Variants in ELN observed in about 807,000 individuals in gnomAD.
The protein encoded by ELN is tropoelastin.
ELN carries 65 observed loss-of-function variants against 105.8 expected under a neutral mutation model. The ratio of observed to expected loss-of-function variants is 0.61; its 90% CI spans 0.50 to 0.75. The LOEUF (loss-of-function observed/expected upper bound fraction) is 0.75, where lower values mean the gene tolerates loss of function less well. Ranked by LOEUF, ELN falls within the 30% of genes least tolerant of loss-of-function variation. The probability of loss-of-function intolerance (pLI) is 0.00; values close to 1 mark genes in which losing one functional copy is unlikely to be tolerated. For missense variants in ELN, 882 were observed against 969.4 expected (o/e 0.91, Z 1.20); for synonymous variants, 368 against 389.2 (o/e 0.95, Z 0.64).
intron 29 of ELN, among the ~76,000 whole-genome samples, chr7:74,064,904 T>C (rs908900006): frequency 8.5e-5 from 13 of 152,276 alleles, no homozygotes; most frequent in African/African-American, 2.9e-4. Context: ...CAGCTCTTCC[T>C]GTGAGTGCCA....
At chr7:74,037,071 T>C (rs1790132282) in intron 3 of ELN, among the ~76,000 whole-genome samples, 1 of 151,980 alleles carries the variant, frequency 6.6e-6, no homozygotes, top group African/African-American at 2.4e-5. Flanking sequence ...TCTGCCTGAC[T>C]CGGCCTCTCA....
intron 22 of ELN, among the ~76,000 whole-genome samples, chr7:74,058,251 TCTTC>T (rs1554681638): frequency 9.1e-6 from 1 of 110,096 alleles, no homozygotes; most frequent in Non-Finnish European, 1.8e-5. Context: ...TCTCCTTCTT[TCTTC>T]TTCTTTCTCC....
intron 12 of ELN, 102 bp from the exon 13 acceptor site, chr7:74,047,569 GAGGT>G: frequency 1.3e-6 from 2 of 1,482,814 alleles, no homozygotes; most frequent in Non-Finnish European, 1.9e-6. Context: ...CCTGATGTGG[GAGGT>G]CTCAAGCTTT....
intron 10 of ELN, 113 bp from the exon 11 acceptor site, chr7:74,046,075 C>T (rs538127673): frequency 2.6e-5 from 37 of 1,421,992 alleles, no homozygotes; most frequent in Middle Eastern, 1.7e-4. Context: ...GCGCAGCATG[C>T]GATGACTGGT....
intron 6 of ELN, 100 bp from the exon 7 acceptor site, chr7:74,042,884 C>A: frequency 4.4e-6 from 7 of 1,597,876 alleles, no homozygotes; most frequent in African/African-American, 1.3e-5. Flanking sequence ...GAGTTAGTAA[C>A]GGGGCCAGAC....
rs535455482 is a variant in ELN at position 74,042,954 on chromosome 7, C to T, written c.326-30C>T. The T allele has an allele frequency of 1.3e-5, 21 of 1,613,932 alleles. No individual in the cohort carries two copies. In the East Asian group the frequency reaches 1.3e-4, roughly 10 times the overall value. The stretch of plus-strand genomic sequence containing the variant: ...CCTTCTGCCTCCCCACTGTTCCTTA[C>T]GCAATGCCTCACCTGTCCTGGCTCT... On this transcript the variant is annotated intron_variant, in intron 6 of 32. Transcript: ENST00000252034.
At chr7:74,064,976 C>T (rs1488832280) in intron 29 of ELN, among the ~76,000 whole-genome samples, 1 of 152,134 alleles carries the variant, frequency 6.6e-6, no homozygotes, top group Non-Finnish European at 1.5e-5. Flanking sequence ...CATGGTGGCT[C>T]ATGCCTGTAA....
At chr7:74,059,315 C>T (rs1266357640) in intron 22 of ELN, among the ~76,000 whole-genome samples, 1 of 152,182 alleles carries the variant, frequency 6.6e-6, no homozygotes, top group African/African-American at 2.4e-5. Context: ...TTCTGTCTTA[C>T]AAAGTCCCTT....
chr7:74,063,425 G>A lies in ELN; in HGVS notation c.1918+56G>A. The A allele has an allele frequency of 2.6e-6, 4 of 1,547,036 alleles. No individual in the cohort carries two copies. The South Asian group carries it at 3.5e-5, about 14-fold the overall frequency. ...CCAGGCCCCCAGGCCCCCAGGGTGTGGGAGGAGCTTCTGACCAGGCACTGT... is the reference window on the plus strand; with the variant it reads ...CCAGGCCCCCAGGCCCCCAGGGTGTAGGAGGAGCTTCTGACCAGGCACTGT... On this transcript the variant is annotated intron_variant, in intron 28 of 32. Coordinates refer to ENST00000252034, the MANE Select transcript of ELN (RefSeq NM_000501.4). The surrounding 1 kb of genome is among the most constrained non-coding windows in gnomAD (Gnocchi z 4.1).
At chr7:74,039,752 A>G (rs1790754143) in intron 4 of ELN, among the ~76,000 whole-genome samples, 2 of 152,240 alleles carry the variant, frequency 1.3e-5, no homozygotes, top group Admixed American at 1.3e-4. Flanking sequence ...TTGCACAACT[A>G]GGTGCTTTCT....
At chr7:74,042,427 CAA>C (rs141916734) in intron 5 of ELN, among the ~76,000 whole-genome samples, 185 bp from the exon 6 acceptor site, 2,033 of 142,334 alleles carry the variant, frequency 0.014, 43 homozygotes, top group African/African-American at 0.048. Context: ...GACCTTGTGT[CAA>C]AAAAAAAAAA....
intron 9 of ELN, 140 bp downstream of exon 9, chr7:74,044,060 T>C: frequency 8.7e-7 from 1 of 1,155,082 alleles, no homozygotes; most frequent in South Asian, 1.3e-5. Context: ...AGCCTGGGCA[T>C]CATAGTAAGG....
intron 3 of ELN, among the ~76,000 whole-genome samples, 163 bp from the exon 4 acceptor site, chr7:74,037,544 C>T (rs564730073): frequency 2.0e-5 from 3 of 152,286 alleles, no homozygotes; most frequent in East Asian, 1.9e-4. Flanking sequence ...GTATAAACCA[C>T]GAGTTAGAAG....
At chr7:74,046,529 T>A in intron 11 of ELN, 167 bp from the exon 12 acceptor site, 1 of 783,124 alleles carries the variant, frequency 1.3e-6, no homozygotes, top group South Asian at 1.7e-5. Context: ...GGCCTGTCAC[T>A]GGGAATTTCT....
At chr7:74,036,692 C>T in intron 3 of ELN, 108 bp downstream of exon 3, 8 of 1,501,478 alleles carry the variant, frequency 5.3e-6, no homozygotes, top group Non-Finnish European at 7.4e-6. Context: ...ATCAAGGACT[C>T]CCTCATTTCA....
chr7:74,060,168 T>C lies in ELN; in HGVS notation c.1605T>C (p.Ala535=), dbSNP rs376304151. Residue 535 remains alanine, a synonymous_variant, in exon 24 of 33, where the codon GCT becomes GCC. Coordinates refer to ENST00000252034, the MANE Select transcript of ELN (RefSeq NM_000501.4). ...AAAAKSAAKV[A]AKAQLRAAAG... Reference sequence around the variant, plus strand: ...CAGCAAAATCCGCTGCCAAGGTGGCTGCCAAAGCCCAGCTCCGTGAGTGCC... The same window carrying C: ...CAGCAAAATCCGCTGCCAAGGTGGCCGCCAAAGCCCAGCTCCGTGAGTGCC... 1.9e-6 allele frequency: 3 copies of C among 1,614,118 alleles called. No individual in the cohort carries two copies. Among genetic ancestry groups the C allele is most frequent in the East Asian group, 4.5e-5 (2 of 44,888 alleles).
At chr7:74,059,782 C>A (rs1221327075) in intron 22 of ELN, 104 bp from the exon 23 acceptor site, 1 of 788,636 alleles carries the variant, frequency 1.3e-6, no homozygotes, top group Non-Finnish European at 2.3e-6. Context: ...TCCAGGGTCA[C>A]ACAGCAAATC....
At chr7:74,046,093 G>A in intron 10 of ELN, 95 bp from the exon 11 acceptor site, 3 of 1,539,824 alleles carry the variant, frequency 1.9e-6, no homozygotes, top group Non-Finnish European at 2.7e-6. Context: ...GGTCTGGGAA[G>A]AACTGGCCAT....
At chr7:74,028,372 CA>C in intron 1 of ELN, 103 bp downstream of exon 1, 1 of 1,344,324 alleles carries the variant, frequency 7.4e-7, no homozygotes, top group Non-Finnish European at 1.0e-6. Context: ...CTGGGAACTG[CA>C]AGGGGTCCCA....
Sources: gnomAD v4.1 joint callset for allele counts (sites outside exome capture counted in the v4.1 genomes callset) on GRCh38, gnomAD v4.1.1 for gene constraint, Gnocchi (gnomAD v3.1) non-coding constraint, MANE v1.5 for transcripts, NCBI Gene and HGNC (gene_info 2026-07-23, HGNC 2026-07-21) for gene names.